BMP6: variants seen among roughly 807,000 people sequenced by gnomAD.
BMP6 encodes bone morphogenetic protein 6.
BMP6 carries 17 observed loss-of-function variants against 54.1 expected under a neutral mutation model. The observed-to-expected ratio is 0.31, with a 90% CI of 0.22 to 0.47. BMP6 has a LOEUF of 0.47. Among genes scored for constraint, BMP6 ranks in the 20% least tolerant of loss-of-function variants. The pLI, the probability that BMP6 is intolerant of heterozygous loss-of-function variation, is 1.00. For synonymous variants in BMP6, 328 were observed against 291.2 expected (o/e 1.13, Z -1.28); for missense variants, 720 against 690.4 (o/e 1.04, Z -0.48).
chr6:7,859,394 G>A (rs956041357), intron 2 of BMP6, among the ~76,000 whole-genome samples: 2 of 151,784 alleles, frequency 1.3e-5, no homozygotes, highest in Non-Finnish European at 2.9e-5. Flanking sequence ...GAGGTAACTC[G>A]GCATGTGCTC....
Position 7,727,053 on chromosome 6 carries a change from C to A in BMP6, c.98C>A (p.Ala33Asp), listed in dbSNP as rs1438092098. Reference protein sequence around the residue: ...GPPPLRPPLPAAAAAAAGGQL... With the variant: ...GPPPLRPPLPDAAAAAAGGQL... ...CCGCCGCTGCGGCCGCCCTTGCCCG[C>A]TGCCGCGGCCGCCGCCGCCGGGGGG... Residue 33 changes from alanine (A) to aspartate (D), a missense_variant, in exon 1 of 7, where the codon GCT becomes GAT. Physicochemically the swap from Ala to Asp is moderately radical, Grantham distance 126 (BLOSUM62 -2). Transcript: ENST00000283147. The A allele has an allele frequency of 3.0e-5, 35 of 1,182,836 alleles. No individual in the cohort carries two copies. The Admixed American group carries it at 7.5e-4, about 25-fold the overall frequency. 73.3% of individuals were successfully genotyped at this position (1,182,836 alleles called of 1,614,324 possible). A position where few individuals can be genotyped will look rare whatever the true frequency, so the allele number is the denominator to read the frequency against.
rs142246262 is a variant in BMP6, at chr6:7,751,536, A to G, written c.664+23917A>G. Among the ~76,000 whole-genome samples, 1,400 of 152,372 alleles carry G rather than the reference A, an allele frequency of 9.2e-3. 7 individuals carry two copies. Among genetic ancestry groups the G allele is most frequent in the Non-Finnish European group, 0.016 (1,085 of 68,042 alleles). ...TATTTCAGAGTATATAATTGGGTTG[A>G]CACATATATTTTCTGCCTCGGCATT... is the stretch of plus-strand genomic sequence containing the variant. On this transcript the variant is annotated intron_variant, in intron 1 of 6. Coordinates refer to ENST00000283147, the MANE Select transcript of BMP6 (RefSeq NM_001718.6).
chr6:7,866,473 G>A (rs569535015), intron 4 of BMP6, among the ~76,000 whole-genome samples: 2 of 152,348 alleles, frequency 1.3e-5, no homozygotes, highest in African/African-American at 2.4e-5. Context: ...GGGGGACTGT[G>A]ATACCACTTG....
rs150500043 is a variant in BMP6 at position 7,860,840 on chromosome 6, C to T, written c.858-611C>T. On this transcript the variant is annotated intron_variant, in intron 2 of 6. Coordinates refer to ENST00000283147, the MANE Select transcript of BMP6 (RefSeq NM_001718.6). Reference sequence around the variant, plus strand: ...AGGAACAAACGAGAAGATTTTCAGTCCCAATTTCAAAACAAGAAAAAATGA... The same window carrying T: ...AGGAACAAACGAGAAGATTTTCAGTTCCAATTTCAAAACAAGAAAAAATGA... Among the ~76,000 whole-genome samples, 16 of 152,216 alleles carry T rather than the reference C, an allele frequency of 1.1e-4. No individual in the cohort carries two copies. In the East Asian group the frequency reaches 2.3e-3, roughly 22 times the overall value.
chr6:7,850,808 C>G (rs1169861116), intron 2 of BMP6, among the ~76,000 whole-genome samples: 1 of 152,144 alleles, frequency 6.6e-6, no homozygotes, highest in Non-Finnish European at 1.5e-5. Context: ...ACAGGGCGAA[C>G]CACTGAAGTA....
At chr6:7,754,247 A>G (rs6910764) in intron 1 of BMP6, among the ~76,000 whole-genome samples, 2,313 of 152,060 alleles carry the variant, frequency 0.015, 53 homozygotes, top group African/African-American at 0.04. Flanking sequence ...CCTCCCGAGT[A>G]GCTGGGACTA....
chr6:7,865,921 G>A (rs1759414064), intron 4 of BMP6, among the ~76,000 whole-genome samples: 1 of 152,196 alleles, frequency 6.6e-6, no homozygotes. Flanking sequence ...TGTCATCAGG[G>A]TGAAACGTGG....
At chr6:7,836,367 G>T (rs962900148) in intron 1 of BMP6, among the ~76,000 whole-genome samples, 6 of 152,178 alleles carry the variant, frequency 3.9e-5, no homozygotes, top group African/African-American at 1.2e-4. Flanking sequence ...AGGATTTCTG[G>T]ATCTGGATTT....
At chr6:7,732,514 C>T (rs1243468858) in intron 1 of BMP6, among the ~76,000 whole-genome samples, 1 of 152,156 alleles carries the variant, frequency 6.6e-6, no homozygotes, top group African/African-American at 2.4e-5. Context: ...TGGAGGAGGG[C>T]TTCCCTGGGA....
intron 1 of BMP6, among the ~76,000 whole-genome samples, chr6:7,775,334 G>A (rs1249471943): frequency 6.6e-6 from 1 of 152,182 alleles, no homozygotes; most frequent in Non-Finnish European, 1.5e-5. Flanking sequence ...GATGACCTTG[G>A]TAGTGAATGT....
intron 1 of BMP6, among the ~76,000 whole-genome samples, chr6:7,806,233 G>A (rs1758345802): frequency 6.6e-6 from 1 of 152,242 alleles, no homozygotes; most frequent in Non-Finnish European, 1.5e-5. Context: ...GGGTCTTCAA[G>A]TGCAGGTGAC....
chr6:7,749,305 T>C (rs1182379830), intron 1 of BMP6, among the ~76,000 whole-genome samples: 2 of 152,250 alleles, frequency 1.3e-5, no homozygotes, highest in African/African-American at 4.8e-5. Context: ...AACATGTTTC[T>C]ATATTCTTTG....
At chr6:7,853,392 C>G (rs1759175722) in intron 2 of BMP6, among the ~76,000 whole-genome samples, 1 of 152,096 alleles carries the variant, frequency 6.6e-6, no homozygotes, top group Admixed American at 6.5e-5. Flanking sequence ...AAGATCGGGA[C>G]CCAATGTTGA....
chr6:7,846,839 A>G (rs967879025), intron 2 of BMP6, among the ~76,000 whole-genome samples: 4 of 152,122 alleles, frequency 2.6e-5, no homozygotes, highest in Non-Finnish European at 4.4e-5. Flanking sequence ...TGTTTTAGCC[A>G]TTGATTTTCA....
At position 7,788,871 on chromosome 6, in the gene BMP6, G is replaced by GTTT. The variant is rs10532545; in HGVS notation, c.665-56254_665-56252dup. On this transcript the variant is annotated intron_variant, in intron 1 of 6. Transcript: ENST00000283147. Reference sequence around the variant, plus strand: ...CCACCCCTTATTCCATCCTATCTCTGTTTTTTTTTTTTTTTTTAAAGTGTT... The same window carrying GTTT: ...CCACCCCTTATTCCATCCTATCTCTGTTTTTTTTTTTTTTTTTTTTAAAGTGTT... Among the ~76,000 whole-genome samples, 793 of 140,414 alleles carry GTTT rather than the reference G, an allele frequency of 5.6e-3. 7 individuals are homozygous for GTTT. Among genetic ancestry groups the GTTT allele is most frequent in the African/African-American group, 0.02 (754 of 37,932 alleles). 92.1% of individuals were successfully genotyped at this position (140,414 alleles called of 152,430 possible).
chr6:7,728,827 C>A (rs1761795659), intron 1 of BMP6, among the ~76,000 whole-genome samples: 1 of 152,204 alleles, frequency 6.6e-6, no homozygotes, highest in East Asian at 1.9e-4. Context: ...CCAGCCACGT[C>A]AAAGACGCTC....
At chr6:7,814,117 G>A (rs1009881130) in intron 1 of BMP6, among the ~76,000 whole-genome samples, 1 of 152,160 alleles carries the variant, frequency 6.6e-6, no homozygotes, top group African/African-American at 2.4e-5. Flanking sequence ...CATTATGCCT[G>A]GGATCCCTCT....
intron 1 of BMP6, among the ~76,000 whole-genome samples, chr6:7,732,823 C>G (rs1450032472): frequency 6.6e-6 from 1 of 152,026 alleles, no homozygotes; most frequent in Non-Finnish European, 1.5e-5. Context: ...AAGCAGCTTT[C>G]TGTAACTTTT....
chr6:7,807,155 A>G (rs1248100036), intron 1 of BMP6, among the ~76,000 whole-genome samples: 1 of 152,184 alleles, frequency 6.6e-6, no homozygotes, highest in Non-Finnish European at 1.5e-5. Context: ...GGGGAAGAGA[A>G]TGGTGCCCCA....
Sources: gnomAD v4.1 joint callset for allele counts (sites outside exome capture counted in the v4.1 genomes callset) on GRCh38, gnomAD v4.1.1 for gene constraint, MANE v1.5 for transcripts, NCBI Gene and HGNC (gene_info 2026-07-23, HGNC 2026-07-21) for gene names.